FNDC3B: variants seen among roughly 807,000 people sequenced by gnomAD.
The protein encoded by FNDC3B is fibronectin type III domain-containing protein 3B.
FNDC3B carries 12 observed loss-of-function variants against 151.5 expected under a neutral mutation model. The ratio of observed to expected loss-of-function variants is 0.08; its 90% CI spans 0.05 to 0.13. FNDC3B has a LOEUF of 0.13. Among genes scored for constraint, FNDC3B ranks in the 10% least tolerant of loss-of-function variants. The probability of loss-of-function intolerance (pLI) is 1.00; values close to 1 mark genes in which losing one functional copy is unlikely to be tolerated. For missense variants in FNDC3B, 1,214 were observed against 1,505.3 expected, an observed-to-expected ratio of 0.81 and a Z score of 3.20; for synonymous variants, 528 against 549.0, an observed-to-expected ratio of 0.96 and a Z score of 0.54.
intron 6 of FNDC3B, among the ~76,000 whole-genome samples, chr3:172,255,427 C>T (rs1426430300): frequency 6.6e-6 from 1 of 152,186 alleles, no homozygotes; most frequent in Non-Finnish European, 1.5e-5. Context: ...CACCACCATG[C>T]TTGGCTAACT....
At chr3:172,393,917 G>A (rs922984104) in intron 25 of FNDC3B, among the ~76,000 whole-genome samples, 1 of 151,588 alleles carries the variant, frequency 6.6e-6, no homozygotes, top group African/African-American at 2.4e-5. Context: ...GACCATCCTG[G>A]CTAATAGGGT....
intron 5 of FNDC3B, among the ~76,000 whole-genome samples, chr3:172,249,596 T>C (rs1727960419): frequency 6.6e-6 from 1 of 152,166 alleles, no homozygotes; most frequent in African/African-American, 2.4e-5. Context: ...GTTTTAAAAG[T>C]TTTCAACATG....
chr3:172,105,439 C>T (rs1408867540), intron 1 of FNDC3B, among the ~76,000 whole-genome samples: 1 of 152,198 alleles, frequency 6.6e-6, no homozygotes, highest in Middle Eastern at 3.4e-3. Context: ...TATTGTTTTA[C>T]AAGAGTATGT....
At chr3:172,383,167 C>T (rs1576965386) in intron 25 of FNDC3B, among the ~76,000 whole-genome samples, 1 of 152,190 alleles carries the variant, frequency 6.6e-6, no homozygotes, top group East Asian at 1.9e-4. Context: ...TGTAGTTCTC[C>T]CTGAAGAGGT....
intron 11 of FNDC3B, among the ~76,000 whole-genome samples, chr3:172,318,728 C>G (rs1033102396): frequency 8.5e-5 from 13 of 152,116 alleles, no homozygotes; most frequent in African/African-American, 3.1e-4. Context: ...CTTTCATTCC[C>G]CTGCCCAGGC....
At chr3:172,074,032 A>T (rs1378118049) in intron 1 of FNDC3B, among the ~76,000 whole-genome samples, 1 of 152,202 alleles carries the variant, frequency 6.6e-6, no homozygotes, top group African/African-American at 2.4e-5. Context: ...GCAACACAGG[A>T]TGAGGACTGT....
At chr3:172,327,065 C>T (rs1454276769) in intron 11 of FNDC3B, among the ~76,000 whole-genome samples, 1 of 152,150 alleles carries the variant, frequency 6.6e-6, no homozygotes, top group Non-Finnish European at 1.5e-5. Flanking sequence ...TGATCGGATG[C>T]TGGGTGTAAT....
intron 1 of FNDC3B, among the ~76,000 whole-genome samples, chr3:172,094,858 A>G (rs965577320): frequency 2.0e-5 from 3 of 151,706 alleles, no homozygotes; most frequent in Non-Finnish European, 4.4e-5. Context: ...ACTAAATTAC[A>G]TGGTCTGCAT....
At chr3:172,283,840 A>G (rs921111491) in intron 6 of FNDC3B, among the ~76,000 whole-genome samples, 1 of 152,086 alleles carries the variant, frequency 6.6e-6, no homozygotes, top group Non-Finnish European at 1.5e-5. Context: ...TGATTTATGG[A>G]TACAGTTTAT....
At chr3:172,113,266 T>TATAAA (rs1268234762) in intron 2 of FNDC3B, among the ~76,000 whole-genome samples, 2 of 152,252 alleles carry the variant, frequency 1.3e-5, no homozygotes, top group Non-Finnish European at 2.9e-5. Flanking sequence ...TTTATCTTTG[T>TATAAA]ACATCCTTCA....
At chr3:172,058,383 A>T (rs971070531) in intron 1 of FNDC3B, among the ~76,000 whole-genome samples, 6 of 151,634 alleles carry the variant, frequency 4.0e-5, no homozygotes, top group African/African-American at 1.2e-4. Flanking sequence ...GCAGAGTTAC[A>T]TTTCCTAATC....
intron 1 of FNDC3B, among the ~76,000 whole-genome samples, chr3:172,080,584 G>A (rs539481029): frequency 2.6e-5 from 4 of 152,014 alleles, no homozygotes; most frequent in South Asian, 2.1e-4. Context: ...GGCCTGAATC[G>A]TTGAATTTTT....
intron 4 of FNDC3B, among the ~76,000 whole-genome samples, chr3:172,242,388 C>T (rs1219014546): frequency 6.6e-6 from 1 of 152,192 alleles, no homozygotes; most frequent in Admixed American, 6.5e-5. Flanking sequence ...TTCTCGATGA[C>T]AGCCCCACTC....
At chr3:172,109,452 C>CA (rs11414031) in intron 1 of FNDC3B, among the ~76,000 whole-genome samples, 101,237 of 152,004 alleles carry the variant, frequency 0.67, 33,896 homozygotes, top group East Asian at 0.78. Context: ...AGGCGTGAGC[C>CA]CCGCGCCCGG....
At chr3:172,269,303 G>A (rs1205322782) in intron 6 of FNDC3B, among the ~76,000 whole-genome samples, 1 of 151,784 alleles carries the variant, frequency 6.6e-6, no homozygotes, top group East Asian at 1.9e-4. Flanking sequence ...CTGTCATCCA[G>A]GCTGATATGC....
intron 3 of FNDC3B, among the ~76,000 whole-genome samples, chr3:172,160,039 G>C (rs111996525): frequency 1.3e-5 from 2 of 152,204 alleles, no homozygotes; most frequent in Admixed American, 1.3e-4. Flanking sequence ...GGCAGGGGCT[G>C]ACCAGAATCA....
intron 1 of FNDC3B, among the ~76,000 whole-genome samples, chr3:172,077,963 T>A (rs1355871703): frequency 6.6e-6 from 1 of 152,138 alleles, no homozygotes. Context: ...ATTTTATTGT[T>A]GTTTTTAATT....
chr3:172,381,398 T>C (rs532067568), intron 25 of FNDC3B, among the ~76,000 whole-genome samples: 31 of 152,308 alleles, frequency 2.0e-4, no homozygotes, highest in African/African-American at 7.5e-4. Flanking sequence ...CAGTATGTAA[T>C]TGAAAACTAA....
intron 2 of FNDC3B, among the ~76,000 whole-genome samples, chr3:172,131,160 G>A (rs999446769): frequency 3.9e-5 from 6 of 152,160 alleles, no homozygotes; most frequent in Non-Finnish European, 8.8e-5. Context: ...ACTTTGGGAG[G>A]CCGAGACGGA....
Sources: gnomAD v4.1 joint callset for allele counts (sites outside exome capture counted in the v4.1 genomes callset) on GRCh38, gnomAD v4.1.1 for gene constraint, MANE v1.5 for transcripts, NCBI Gene and HGNC (gene_info 2026-07-23, HGNC 2026-07-21) for gene names.